IP6K1: variants seen among roughly 807,000 people sequenced by gnomAD.
The protein encoded by IP6K1 is inositol hexakisphosphate kinase 1.
IP6K1 carries 13 observed loss-of-function variants against 38.3 expected under a neutral mutation model. That is an observed-to-expected ratio of 0.34 (90% CI 0.22 to 0.54). The LOEUF is 0.54. Among genes scored for constraint, IP6K1 ranks in the 20% least tolerant of loss-of-function variants. The probability of loss-of-function intolerance (pLI) is 0.92; values close to 1 mark genes in which losing one functional copy is unlikely to be tolerated. For synonymous variants in IP6K1, 212 were observed against 229.9 expected (o/e 0.92, Z 0.70); for missense variants, 397 against 599.8 (o/e 0.66, Z 3.53).
intron 1 of IP6K1, among the ~76,000 whole-genome samples, chr3:49,777,877 G>A (rs1291261807): frequency 3.3e-5 from 5 of 151,004 alleles, no homozygotes; most frequent in Admixed American, 1.3e-4. Context: ...ATCGCGCCAC[G>A]CACTCCAGCC....
chr3:49,779,819 G>A (rs1156449112), intron 1 of IP6K1, among the ~76,000 whole-genome samples: 2 of 152,150 alleles, frequency 1.3e-5, no homozygotes, highest in East Asian at 1.9e-4. Context: ...CCAAGTAGCC[G>A]AGAATACAGG....
rs137912876 is a variant in IP6K1 at position 49,750,417 on chromosome 3, G to A, written c.-128-2249C>T. ...AGGAGGAGAGTCAAGGAAATAGGCC[G>A]GGTGCAGTGGTTCACGCCTATAATC... On this transcript the variant is annotated intron_variant, in intron 1 of 5. Coordinates refer to ENST00000321599, the MANE Select transcript of IP6K1 (RefSeq NM_153273.4). Among the ~76,000 whole-genome samples, 796 of 152,278 alleles carry A rather than the reference G, an allele frequency of 5.2e-3. 3 individuals are homozygous for A. Among genetic ancestry groups the A allele is most frequent in the Non-Finnish European group, 6.7e-3 (455 of 68,034 alleles).
At chr3:49,741,594 A>C (rs539646671) in intron 2 of IP6K1, among the ~76,000 whole-genome samples, 38 of 152,364 alleles carry the variant, frequency 2.5e-4, no homozygotes, top group Admixed American at 1.4e-3. Context: ...ACAAAGCCAG[A>C]AATAAACACA....
chr3:49,740,199 C>T (rs1026933224), intron 2 of IP6K1, among the ~76,000 whole-genome samples: 1 of 145,468 alleles, frequency 6.9e-6, no homozygotes, highest in African/African-American at 2.5e-5. Context: ...GTCAATAGAT[C>T]GATCGATAGA....
chr3:49,785,322 A>G (rs1038232525), intron 1 of IP6K1, among the ~76,000 whole-genome samples: 1 of 152,066 alleles, frequency 6.6e-6, no homozygotes, highest in Non-Finnish European at 1.5e-5. Flanking sequence ...CCTGGCCAAC[A>G]TGGTGAAACC....
chr3:49,770,591 G>GC (rs2080949036), intron 1 of IP6K1, among the ~76,000 whole-genome samples: 1 of 152,080 alleles, frequency 6.6e-6, no homozygotes, highest in African/African-American at 2.4e-5. Context: ...GGTGTAGTGA[G>GC]CGGAGATCAT....
At chr3:49,755,526 CTTTAA>C (rs921231784) in intron 1 of IP6K1, among the ~76,000 whole-genome samples, 5 of 152,014 alleles carry the variant, frequency 3.3e-5, no homozygotes, top group African/African-American at 7.3e-5. Flanking sequence ...GCAAATGTGT[CTTTAA>C]TTTGTTTTTT....
At position 49,726,406 on chromosome 3, in the gene IP6K1, G is replaced by A. The variant is rs2080502134; in HGVS notation, c.*716C>T. The A allele has an allele frequency of 6.5e-6, 1 of 152,728 alleles. No individual in the cohort carries two copies. Among genetic ancestry groups the A allele is most frequent in the Non-Finnish European group, 1.5e-5 (1 of 68,130 alleles). 9.5% of individuals were successfully genotyped at this position (152,728 alleles called of 1,614,324 possible). A position where few individuals can be genotyped will look rare whatever the true frequency, so the allele number is the denominator to read the frequency against. On this transcript the variant is annotated 3_prime_UTR_variant, in exon 6 of 6. Transcript: ENST00000321599. Reference sequence around the variant, plus strand: ...ATCCCCCACTTCAGTGGGGTGGGAGGGAGTGGCCTTCTTAGGCAAGGGAAC... The same window carrying A: ...ATCCCCCACTTCAGTGGGGTGGGAGAGAGTGGCCTTCTTAGGCAAGGGAAC...
intron 1 of IP6K1, among the ~76,000 whole-genome samples, chr3:49,757,375 T>G (rs2080832946): frequency 6.6e-6 from 1 of 152,208 alleles, no homozygotes; most frequent in African/African-American, 2.4e-5. Context: ...GGGAGAATGG[T>G]GTACACACCT....
intron 4 of IP6K1, among the ~76,000 whole-genome samples, chr3:49,728,550 T>G (rs1464152475): frequency 2.0e-5 from 3 of 152,134 alleles, no homozygotes; most frequent in Non-Finnish European, 2.9e-5. Context: ...CAACCATCTA[T>G]CTCTACTCAC....
intron 3 of IP6K1, among the ~76,000 whole-genome samples, chr3:49,734,656 C>T (rs554467971): frequency 2.0e-5 from 3 of 152,204 alleles, no homozygotes; most frequent in South Asian, 2.1e-4. Context: ...CAGTGCCTCT[C>T]GGAATGATAA....
rs1045153066 is a variant in IP6K1 at position 49,726,915 on chromosome 3, A to G, written c.*207T>C. The G allele has an allele frequency of 8.9e-6, 5 of 559,192 alleles. No homozygotes were observed. In the African/African-American group the frequency reaches 9.5e-5, roughly 11 times the overall value. The allele number at this position is 559,192 out of a possible 1,614,324, so 34.6% of individuals were successfully genotyped here. A position where few individuals can be genotyped will look rare whatever the true frequency, so the allele number is the denominator to read the frequency against. On this transcript the variant is annotated 3_prime_UTR_variant, in exon 6 of 6. Transcript: ENST00000321599. Reference sequence around the variant, plus strand: ...CACACCAGTCAGAGCCACAAAGCTGAGGAGCCTGGCTGAGAGGGCGTGTGG... The same window carrying G: ...CACACCAGTCAGAGCCACAAAGCTGGGGAGCCTGGCTGAGAGGGCGTGTGG...
intron 2 of IP6K1, among the ~76,000 whole-genome samples, chr3:49,742,076 C>A (rs2080673493): frequency 6.6e-6 from 1 of 151,854 alleles, no homozygotes. Context: ...AAGACCCTGT[C>A]TCAAAATAAA....
At chr3:49,753,673 A>C (rs936621097) in intron 1 of IP6K1, among the ~76,000 whole-genome samples, 7 of 152,218 alleles carry the variant, frequency 4.6e-5, no homozygotes, top group Non-Finnish European at 1.0e-4. Context: ...CATATGAAAA[A>C]GTGTTTATAA....
intron 1 of IP6K1, among the ~76,000 whole-genome samples, chr3:49,758,959 T>C (rs6785593): frequency 1.2e-5 from 1 of 80,618 alleles, no homozygotes; most frequent in Non-Finnish European, 2.7e-5. Context: ...AAAAAAAAAA[T>C]ACCCAACAGT....
intron 1 of IP6K1, among the ~76,000 whole-genome samples, chr3:49,777,603 T>C (rs2081028839): frequency 6.7e-6 from 1 of 149,054 alleles, no homozygotes; most frequent in Non-Finnish European, 1.5e-5. Flanking sequence ...CACAATAAAG[T>C]TGGAAATTTC....
In IP6K1 at chr3:49,735,246, T is replaced by C. The variant is rs187523372; in HGVS notation, c.435-2274A>G. ...GGTGTGCACCTGTAGTCCCAGCTAC[T>C]TGGGAGGCTGAGGTGAGAGGGGATA... On this transcript the variant is annotated intron_variant, in intron 3 of 5. Transcript: ENST00000321599. 2.0e-3 allele frequency among the ~76,000 whole-genome samples: 297 copies of C among 152,232 alleles called. 2 individuals are homozygous for C. The highest frequency in any genetic ancestry group is 6.8e-3 in the African/African-American group (282 of 41,522).
At chr3:49,755,638 A>G (rs1176128595) in intron 1 of IP6K1, among the ~76,000 whole-genome samples, 1 of 152,220 alleles carries the variant, frequency 6.6e-6, no homozygotes, top group Non-Finnish European at 1.5e-5. Flanking sequence ...ACAGAAAAGA[A>G]CAACACATAA....
intron 1 of IP6K1, among the ~76,000 whole-genome samples, chr3:49,773,489 T>C (rs965384842): frequency 2.0e-5 from 3 of 152,138 alleles, no homozygotes; most frequent in Non-Finnish European, 2.9e-5. Context: ...CGGGCGCCTG[T>C]AGTCCCAGCT....
Sources: gnomAD v4.1 joint callset for allele counts (sites outside exome capture counted in the v4.1 genomes callset) on GRCh38, gnomAD v4.1.1 for gene constraint, MANE v1.5 for transcripts, NCBI Gene and HGNC (gene_info 2026-07-23, HGNC 2026-07-21) for gene names.